The following CACTIN variants were observed in gnomAD, a reference collection of about 807,000 sequenced individuals.
The protein encoded by CACTIN is cactin, spliceosome C complex subunit.
A neutral mutation model predicts 84.9 loss-of-function variants in CACTIN; 20 were observed. That is an observed-to-expected ratio of 0.24 (90% CI 0.17 to 0.34). The LOEUF is 0.34. Ranked by LOEUF, CACTIN falls within the 10% of genes least tolerant of loss-of-function variation. The probability of loss-of-function intolerance (pLI) is 1.00; values close to 1 mark genes in which losing one functional copy is unlikely to be tolerated. For synonymous variants in CACTIN, 549 were observed against 467.9 expected (o/e 1.17, Z -2.24); for missense variants, 897 against 1,117.2 (o/e 0.80, Z 2.81).
intron 6 of CACTIN, among the ~76,000 whole-genome samples, chr19:3,618,546 G>T (rs1039710942): frequency 1.3e-5 from 2 of 152,252 alleles, no homozygotes; most frequent in Non-Finnish European, 2.9e-5. Flanking sequence ...GAGACTTGCT[G>T]TCAAACAGGC....
At position 3,613,287 on chromosome 19, in the gene CACTIN, G is replaced by A. The variant is rs201559020; in HGVS notation, c.1557C>T (p.Gly519=). 16 of 1,603,094 alleles carry A rather than the reference G, an allele frequency of 1.0e-5. No individual in the cohort carries two copies. The East Asian group carries it at 1.8e-4, about 18-fold the overall frequency. Residue 519 remains glycine, a synonymous_variant, in exon 9 of 10, where the codon GGC becomes GGT. Transcript: ENST00000429344. ...CGCCGTCGCCCTCTGTCGGGGTCGC[G>A]CCGTCCACCTCGGCCTCCGCGGGGC... is the stretch of plus-strand genomic sequence containing the variant. The part of the protein sequence containing the change: ...EGGPAEAEVD[G]ATPTEGDGDG...
At chr19:3,624,523 G>A (rs1328700241) in intron 1 of CACTIN, among the ~76,000 whole-genome samples, 4 of 152,160 alleles carry the variant, frequency 2.6e-5, no homozygotes, top group Admixed American at 1.3e-4. Flanking sequence ...TTCGGAGGGA[G>A]AGTGCTCGAG....
At chr19:3,614,711 C>T in intron 6 of CACTIN, 122 bp from the exon 7 acceptor site, 1 of 743,562 alleles carries the variant, frequency 1.3e-6, no homozygotes, top group South Asian at 1.6e-5. Flanking sequence ...CCACAGGGGT[C>T]CCATCCAGTC....
Position 3,611,732 on chromosome 19 carries a change from T to C in CACTIN, c.*191A>G, listed in dbSNP as rs1426070190. On this transcript the variant is annotated 3_prime_UTR_variant, in exon 10 of 10. Coordinates refer to ENST00000429344, the MANE Select transcript of CACTIN (RefSeq NM_001080543.2). ...GTCCCAGTGTCTCCTCAGCTCACCATGGCAGGCTCAATGGTGACCCCCCTT... is the reference window on the plus strand; with the variant it reads ...GTCCCAGTGTCTCCTCAGCTCACCACGGCAGGCTCAATGGTGACCCCCCTT... 4 of 748,976 alleles carry C rather than the reference T, an allele frequency of 5.3e-6. No individual in the cohort carries two copies. The highest frequency in any genetic ancestry group is 3.4e-5 in the African/African-American group (2 of 58,100). The allele number at this position is 748,976 out of a possible 1,614,324, so 46.4% of individuals were successfully genotyped here.
At position 3,611,758 on chromosome 19, in the gene CACTIN, T is replaced by A; in HGVS notation, c.*165A>T. On this transcript the variant is annotated 3_prime_UTR_variant, in exon 10 of 10. Transcript: ENST00000429344. ...GGCAGGCTCAATGGTGACCCCCCTT[T>A]TATATAGGAGGAAACTGAGGCCTGG... 1 of 891,108 alleles carries A rather than the reference T, an allele frequency of 1.1e-6. No individual in the cohort carries two copies. Among genetic ancestry groups the A allele is most frequent in the Non-Finnish European group, 1.8e-6 (1 of 563,518 alleles). 55.2% of individuals were successfully genotyped at this position (891,108 alleles called of 1,614,324 possible).
Position 3,623,812 on chromosome 19 carries a change from T to C in CACTIN, c.518A>G (p.Lys173Arg), listed in dbSNP as rs2033274272. ...CTTCTTGCGCTCCTTGGCCTCCTTC[T>C]TGGCCAGCCGCCGTGCGCGCTTCTC... The part of the protein sequence containing the change: ...PEEKRARRLA[K>R]KEAKERKKRE... Residue 173 changes from lysine (K) to arginine (R), a missense_variant, in exon 2 of 10, where the codon AAG becomes AGG. Physicochemically the swap from Lys to Arg is conservative, Grantham distance 26. Transcript: ENST00000429344. 6.2e-7 allele frequency: 1 copy of C among 1,613,710 alleles called. No homozygotes were observed. The highest frequency in any genetic ancestry group is 1.3e-5 in the African/African-American group (1 of 75,076).
rs1407995281 is a variant in CACTIN at position 3,611,072 on chromosome 19, G to T, written c.*851C>A. 1.5e-5 allele frequency: 6 copies of T among 402,840 alleles called. No individual in the cohort carries two copies. The highest frequency in any genetic ancestry group is 3.0e-5 in the Non-Finnish European group (6 of 199,272). 25.0% of individuals were successfully genotyped at this position (402,840 alleles called of 1,614,324 possible). On this transcript the variant is annotated 3_prime_UTR_variant, in exon 10 of 10. Coordinates refer to ENST00000429344, the MANE Select transcript of CACTIN (RefSeq NM_001080543.2). ...GCCCCGTGAGCAGGCCAGGTGGGGG[G>T]ATCCCTGGGGGAAGCCCCTCACCCT...
intron 2 of CACTIN, among the ~76,000 whole-genome samples, chr19:3,621,334 G>T (rs1324449795): frequency 1.3e-5 from 2 of 152,186 alleles, no homozygotes; most frequent in Non-Finnish European, 2.9e-5. Flanking sequence ...CCACTGATGG[G>T]CTTGTCCCAG....
intron 8 of CACTIN, 36 bp from the exon 9 acceptor site, chr19:3,613,401 C>T (rs1599884166): frequency 6.5e-7 from 1 of 1,536,240 alleles, no homozygotes. Flanking sequence ...CGGAGGCTGC[C>T]CACGGCCCCT....
chr19:3,620,855 C>T (rs749440484), intron 2 of CACTIN, 53 bp from the exon 3 acceptor site: 5 of 1,402,716 alleles, frequency 3.6e-6, no homozygotes, highest in African/African-American at 2.8e-5. Context: ...CCTCGCCCCC[C>T]TCCTCAGCTC....
intron 7 of CACTIN, chr19:3,613,801 C>G (rs1195884998): frequency 1.6e-6 from 1 of 611,828 alleles, no homozygotes; most frequent in Non-Finnish European, 2.8e-6. Context: ...TGAACCATCC[C>G]ATGGCAGGGA....
At position 3,611,909 on chromosome 19, in the gene CACTIN, G is replaced by A. The variant is rs373807409; in HGVS notation, c.*14C>T. ...GTGCCCCCGAGGACACCTGCCTGCC[G>A]TTCCCCAGGGCCGTCACCGCCGATA... On this transcript the variant is annotated 3_prime_UTR_variant, in exon 10 of 10. Transcript: ENST00000429344. 38 of 1,611,494 alleles carry A rather than the reference G, an allele frequency of 2.4e-5. No homozygotes were observed. The Middle Eastern group carries it at 6.6e-4, about 28-fold the overall frequency.
intron 2 of CACTIN, among the ~76,000 whole-genome samples, chr19:3,621,420 C>G (rs2033222460): frequency 6.6e-6 from 1 of 152,250 alleles, no homozygotes; most frequent in Non-Finnish European, 1.5e-5. Context: ...TCCCGACCAC[C>G]TTCCTCAGGC....
At chr19:3,618,149 G>T (rs1011489267) in intron 6 of CACTIN, among the ~76,000 whole-genome samples, 5 of 148,982 alleles carry the variant, frequency 3.4e-5, no homozygotes, top group Non-Finnish European at 7.4e-5. Context: ...CGGGGAGGGG[G>T]CAGGGCTGCT....
chr19:3,619,410 G>C (rs1221469409), intron 4 of CACTIN, among the ~76,000 whole-genome samples, 168 bp from the exon 5 acceptor site: 3 of 152,240 alleles, frequency 2.0e-5, no homozygotes, highest in Non-Finnish European at 4.4e-5. Flanking sequence ...ATAAGGTAGA[G>C]TGAGCCGGGT....
intron 2 of CACTIN, among the ~76,000 whole-genome samples, chr19:3,621,255 C>A (rs561724101): frequency 3.9e-5 from 6 of 152,352 alleles, no homozygotes; most frequent in Admixed American, 3.3e-4. Context: ...TGAGTGGGGG[C>A]AGCAGCAGCT....
Position 3,611,910 on chromosome 19 carries a change from T to C in CACTIN, c.*13A>G, listed in dbSNP as rs1248036889. On this transcript the variant is annotated 3_prime_UTR_variant, in exon 10 of 10. Transcript: ENST00000429344. ...TGCCCCCGAGGACACCTGCCTGCCGTTCCCCAGGGCCGTCACCGCCGATAG... is the reference window on the plus strand; with the variant it reads ...TGCCCCCGAGGACACCTGCCTGCCGCTCCCCAGGGCCGTCACCGCCGATAG... 1.2e-6 allele frequency: 2 copies of C among 1,611,908 alleles called. No homozygotes were observed. Among genetic ancestry groups the C allele is most frequent in the Non-Finnish European group, 8.5e-7 (1 of 1,179,582 alleles).
chr19:3,617,667 C>T (rs1254745088), intron 6 of CACTIN, among the ~76,000 whole-genome samples: 1 of 152,220 alleles, frequency 6.6e-6, no homozygotes, highest in Non-Finnish European at 1.5e-5. Flanking sequence ...GCTGGAAACG[C>T]CTCCCAGGCT....
intron 3 of CACTIN, 97 bp from the exon 4 acceptor site, chr19:3,620,369 T>C: frequency 7.4e-7 from 1 of 1,344,528 alleles, no homozygotes; most frequent in Non-Finnish European, 1.0e-6. Flanking sequence ...TTCACCCAGC[T>C]GCCCTGGGCA....
Sources: allele counts gnomAD v4.1 joint callset (sites outside exome capture counted in the v4.1 genomes callset), GRCh38; gene constraint gnomAD v4.1.1; transcripts MANE v1.5; gene names NCBI Gene and HGNC (gene_info 2026-07-23, HGNC 2026-07-21).